Variants in BANK1 observed in about 807,000 individuals in gnomAD.
BANK1 encodes the protein B cell scaffold protein with ankyrin repeats 1, also known as B-cell scaffold protein with ankyrin repeats.
Under a neutral mutation model 94.5 loss-of-function variants are expected in BANK1, and 95 were observed. The ratio of observed to expected loss-of-function variants is 1.00; its 90% CI spans 0.85 to 1.19. BANK1 has a LOEUF of 1.19. Ranked by LOEUF, BANK1 falls within the 50% of genes most tolerant of loss-of-function variation. BANK1 has a pLI of 0.00. For synonymous variants in BANK1, 334 were observed against 308.4 expected (o/e 1.08, Z -0.87); for missense variants, 987 against 932.2 (o/e 1.06, Z -0.77).
intron 1 of BANK1, among the ~76,000 whole-genome samples, chr4:101,820,996 A>T (rs1334003571): frequency 6.6e-6 from 1 of 151,914 alleles, no homozygotes; most frequent in Non-Finnish European, 1.5e-5. Context: ...GAATGCCATT[A>T]CTGTCTTTAG....
intron 7 of BANK1, among the ~76,000 whole-genome samples, chr4:102,007,085 T>C (rs1319554098): frequency 9.1e-6 from 1 of 110,486 alleles, no homozygotes; most frequent in South Asian, 2.4e-4. Flanking sequence ...TATATAAATA[T>C]ATATATAATA....
At chr4:102,054,283 T>C (rs1255462022) in intron 11 of BANK1, among the ~76,000 whole-genome samples, 1 of 152,152 alleles carries the variant, frequency 6.6e-6, no homozygotes, top group African/African-American at 2.4e-5. Flanking sequence ...TCTGTACTAT[T>C]CACGTAATCG....
intron 7 of BANK1, among the ~76,000 whole-genome samples, chr4:102,001,169 G>GT (rs1726056317): frequency 6.6e-6 from 1 of 152,204 alleles, no homozygotes; most frequent in African/African-American, 2.4e-5. Flanking sequence ...TGAAGTCTAT[G>GT]TGAATAAAGG....
At position 101,802,323 on chromosome 4, in the gene BANK1, T is replaced by A. The variant is rs116326482; in HGVS notation, c.70+11373T>A. On this transcript the variant is annotated intron_variant, in intron 1 of 16. Transcript: ENST00000322953. ...TAAAGCTTTAGTGACATAATCAGAA[T>A]TGCCTAATTGATGCCTGAAGTAATT... Among the ~76,000 whole-genome samples the A allele has an allele frequency of 7.3e-3, 1,118 of 152,348 alleles. 24 individuals are homozygous for A. Among genetic ancestry groups the A allele is most frequent in the African/African-American group, 0.025 (1,054 of 41,582 alleles).
chr4:101,880,565 GA>G (rs1274271079), intron 5 of BANK1, among the ~76,000 whole-genome samples: 2 of 151,608 alleles, frequency 1.3e-5, no homozygotes, highest in South Asian at 2.1e-4. Context: ...TACAGAAATA[GA>G]AAAAAAACTA....
At chr4:101,906,445 C>T (rs867563181) in intron 6 of BANK1, among the ~76,000 whole-genome samples, 26 of 152,194 alleles carry the variant, frequency 1.7e-4, no homozygotes, top group South Asian at 4.2e-4. Context: ...TCGTTCAAGG[C>T]GCTGCTCAGT....
intron 7 of BANK1, among the ~76,000 whole-genome samples, chr4:101,956,362 C>T (rs369314703): frequency 1.3e-5 from 2 of 152,260 alleles, no homozygotes; most frequent in South Asian, 2.1e-4. Context: ...TCAGAAAATT[C>T]CCACTATGCA....
chr4:101,953,615 C>T (rs757807393), intron 7 of BANK1, among the ~76,000 whole-genome samples: 3 of 151,814 alleles, frequency 2.0e-5, no homozygotes, highest in East Asian at 1.9e-4. Context: ...TCTGCTAGCA[C>T]GATTACCTCC....
chr4:101,953,573 G>A (rs376392691), intron 7 of BANK1, among the ~76,000 whole-genome samples: 7 of 151,896 alleles, frequency 4.6e-5, no homozygotes, highest in African/African-American at 1.4e-4. Context: ...TTCAAAGTAG[G>A]GTGCACAAAA....
At chr4:101,813,032 A>G (rs1275722578) in intron 1 of BANK1, among the ~76,000 whole-genome samples, 1 of 152,148 alleles carries the variant, frequency 6.6e-6, no homozygotes. Flanking sequence ...GCTTTTATTT[A>G]ATCACATACT....
At chr4:102,026,124 C>A (rs1456611051) in intron 9 of BANK1, among the ~76,000 whole-genome samples, 1 of 152,054 alleles carries the variant, frequency 6.6e-6, no homozygotes, top group Non-Finnish European at 1.5e-5. Flanking sequence ...GGCATTTGTT[C>A]CCAGACGAAG....
At chr4:101,902,676 G>C (rs1578388385) in intron 6 of BANK1, among the ~76,000 whole-genome samples, 1 of 152,078 alleles carries the variant, frequency 6.6e-6, no homozygotes, top group African/African-American at 2.4e-5. Context: ...ATTGAGCCTT[G>C]CTTTAAGTTC....
intron 7 of BANK1, among the ~76,000 whole-genome samples, chr4:101,994,738 A>G (rs1244374909): frequency 6.6e-6 from 1 of 152,242 alleles, no homozygotes; most frequent in Non-Finnish European, 1.5e-5. Flanking sequence ...TTTCTCATTC[A>G]TGGTAGTACA....
At chr4:101,905,810 CAGCACTATATCCTG>C (rs1400587239) in intron 6 of BANK1, among the ~76,000 whole-genome samples, 3 of 152,184 alleles carry the variant, frequency 2.0e-5, no homozygotes, top group Non-Finnish European at 4.4e-5. Flanking sequence ...CTCATAACTG[CAGCACTATATCCTG>C]AGCAGCCGAA....
At chr4:101,843,761 A>C (rs1387605345) in intron 2 of BANK1, among the ~76,000 whole-genome samples, 1 of 147,820 alleles carries the variant, frequency 6.8e-6, no homozygotes, top group Non-Finnish European at 1.5e-5. Context: ...CTAAATATAC[A>C]AAAAAAAAAG....
intron 7 of BANK1, among the ~76,000 whole-genome samples, chr4:101,974,520 T>C (rs1363469862): frequency 1.3e-5 from 2 of 152,192 alleles, no homozygotes; most frequent in African/African-American, 2.4e-5. Context: ...AATGGACTGA[T>C]AATAACAACC....
chr4:101,822,191 C>A (rs1043144202), intron 1 of BANK1, among the ~76,000 whole-genome samples: 5 of 151,904 alleles, frequency 3.3e-5, no homozygotes, highest in South Asian at 2.1e-4. Context: ...CCTGTCTCTA[C>A]CATTAAAAAA....
chr4:101,812,461 A>G, intron 1 of BANK1, among the ~76,000 whole-genome samples: 1 of 151,864 alleles, frequency 6.6e-6, no homozygotes, highest in South Asian at 2.1e-4. Context: ...AAGGTAAATA[A>G]TTAAGCAGTG....
At position 102,030,218 on chromosome 4, in the gene BANK1, C is replaced by A. The variant is rs773341568; in HGVS notation, c.1853C>A (p.Pro618His). 6.2e-7 allele frequency: 1 copy of A among 1,611,106 alleles called. No individual in the cohort carries two copies. The highest frequency in any genetic ancestry group is 8.5e-7 in the Non-Finnish European group (1 of 1,179,176). ...AGACCTCCTGCCCCCACACCCCGACCCACAAGTATACCTCCAAAAGAGGAA... is the reference window on the plus strand; with the variant it reads ...AGACCTCCTGCCCCCACACCCCGACACACAAGTATACCTCCAAAAGAGGAA... ...INRPPAPTPR[P>H]TSIPPKEETT... The change falls in exon 10 of 17, where the codon CCC becomes CAC. Residue 618 changes from proline (P) to histidine (H), a missense_variant. Transcript: ENST00000322953.
Sources: gnomAD v4.1 joint callset for allele counts (sites outside exome capture counted in the v4.1 genomes callset) on GRCh38, gnomAD v4.1.1 for gene constraint, MANE v1.5 for transcripts, NCBI Gene and HGNC (gene_info 2026-07-23, HGNC 2026-07-21) for gene names.